The following IMMP2L variants were observed in gnomAD, a reference collection of about 807,000 sequenced individuals.
The protein encoded by IMMP2L is mitochondrial inner membrane protease subunit 2.
Under a neutral mutation model 19.3 loss-of-function variants are expected in IMMP2L, and 18 were observed. The observed-to-expected ratio is 0.93, with a 90% CI of 0.64 to 1.38. The LOEUF (loss-of-function observed/expected upper bound fraction) is 1.38. IMMP2L is among the 40% of genes most tolerant of loss of function. IMMP2L has a pLI of 0.00. For missense variants in IMMP2L, 233 were observed against 218.2 expected (o/e 1.07, Z -0.43); for synonymous variants, 76 against 73.0 (o/e 1.04, Z -0.21).
intron 3 of IMMP2L, among the ~76,000 whole-genome samples, chr7:111,418,607 C>T (rs1835171693): frequency 6.6e-6 from 1 of 151,848 alleles, no homozygotes; most frequent in Admixed American, 6.6e-5. Flanking sequence ...CTTTGCAGTG[C>T]TACTGCCAGT....
chr7:110,715,512 T>C (rs1795178219), intron 5 of IMMP2L, among the ~76,000 whole-genome samples: 1 of 152,242 alleles, frequency 6.6e-6, no homozygotes, highest in African/African-American at 2.4e-5. Context: ...TCTGCCTTAA[T>C]TTCATTCTTT....
At chr7:111,354,162 A>G (rs1480022813) in intron 3 of IMMP2L, among the ~76,000 whole-genome samples, 3 of 152,068 alleles carry the variant, frequency 2.0e-5, no homozygotes, top group Non-Finnish European at 4.4e-5. Flanking sequence ...TTATAAATAT[A>G]GGTACAAATT....
intron 3 of IMMP2L, among the ~76,000 whole-genome samples, chr7:111,170,634 T>A (rs983977538): frequency 6.6e-6 from 1 of 151,756 alleles, no homozygotes; most frequent in African/African-American, 2.4e-5. Context: ...AATCGACACA[T>A]CTCCTAGAAT....
At chr7:111,067,834 G>A (rs974779563) in intron 3 of IMMP2L, among the ~76,000 whole-genome samples, 1 of 152,226 alleles carries the variant, frequency 6.6e-6, no homozygotes, top group South Asian at 2.1e-4. Flanking sequence ...AATTGACAAA[G>A]GAGATAAAGA....
chr7:111,251,448 C>T (rs181499483), intron 3 of IMMP2L, among the ~76,000 whole-genome samples: 51 of 152,194 alleles, frequency 3.4e-4, no homozygotes, highest in African/African-American at 8.4e-4. Context: ...AAGATACTTG[C>T]GCACATATGT....
At chr7:111,156,040 T>C (rs1488174822) in intron 3 of IMMP2L, among the ~76,000 whole-genome samples, 1 of 152,136 alleles carries the variant, frequency 6.6e-6, no homozygotes, top group African/African-American at 2.4e-5. Flanking sequence ...GTTGTCATAG[T>C]TTGTGCCTTT....
At chr7:111,180,759 T>A (rs2129610976) in intron 3 of IMMP2L, among the ~76,000 whole-genome samples, 1 of 152,166 alleles carries the variant, frequency 6.6e-6, no homozygotes, top group South Asian at 2.1e-4. Flanking sequence ...TTCACACGTA[T>A]ATATTGACAA....
chr7:111,527,641 G>A (rs1478381869), intron 1 of IMMP2L, among the ~76,000 whole-genome samples: 1 of 152,002 alleles, frequency 6.6e-6, no homozygotes, highest in Admixed American at 6.6e-5. Context: ...TAAACAACTG[G>A]TTAAAAGACC....
At position 111,369,686 on chromosome 7, in the gene IMMP2L, ATAAT is replaced by A. The variant is rs967035703; in HGVS notation, c.239+117548_239+117551del. On this transcript the variant is annotated intron_variant, in intron 3 of 5. Coordinates refer to ENST00000405709, the MANE Select transcript of IMMP2L (RefSeq NM_032549.4). The stretch of plus-strand genomic sequence containing the variant: ...TCATTAAATCACATCTCCAAGAATA[ATAAT>A]TATTTAATTTTAACACTTATCAAGC... Among the ~76,000 whole-genome samples the A allele has an allele frequency of 4.9e-4, 75 of 152,122 alleles. 1 individual carries two copies. Among genetic ancestry groups the A allele is most frequent in the African/African-American group, 1.7e-3 (71 of 41,564 alleles).
chr7:110,934,253 T>C (rs1035022373), intron 4 of IMMP2L, among the ~76,000 whole-genome samples: 3 of 152,184 alleles, frequency 2.0e-5, no homozygotes, highest in Admixed American at 6.5e-5. Flanking sequence ...AGTGTTTTAC[T>C]TCCAATCATG....
intron 3 of IMMP2L, among the ~76,000 whole-genome samples, chr7:111,214,331 CTTTTTTT>C (rs1169450523): frequency 1.2e-4 from 10 of 82,190 alleles, no homozygotes; most frequent in African/African-American, 4.2e-4. Context: ...AATTTTTCTT[CTTTTTTT>C]TTTTTTTTTT....
chr7:111,445,954 C>A (rs1411617649), intron 3 of IMMP2L, among the ~76,000 whole-genome samples: 1 of 151,832 alleles, frequency 6.6e-6, no homozygotes, highest in Non-Finnish European at 1.5e-5. Flanking sequence ...ATGGACGCAC[C>A]TGGAAAATCG....
intron 3 of IMMP2L, among the ~76,000 whole-genome samples, chr7:111,165,829 A>C (rs1411275913): frequency 1.3e-5 from 2 of 152,000 alleles, no homozygotes; most frequent in Non-Finnish European, 2.9e-5. Context: ...TCTGCCTTCT[A>C]CCATTTGAAG....
intron 2 of IMMP2L, among the ~76,000 whole-genome samples, chr7:111,501,122 C>G (rs1477410457): frequency 3.3e-5 from 5 of 152,064 alleles, no homozygotes; most frequent in Admixed American, 1.3e-4. Flanking sequence ...GCAGAGAAGT[C>G]CTTAAAGGAG....
chr7:110,850,082 G>C (rs917697634), intron 5 of IMMP2L, among the ~76,000 whole-genome samples: 2 of 151,830 alleles, frequency 1.3e-5, no homozygotes, highest in African/African-American at 4.8e-5. Flanking sequence ...AATTCAAAGA[G>C]AATCAGTGAG....
intron 3 of IMMP2L, among the ~76,000 whole-genome samples, chr7:111,346,079 T>C (rs181026511): frequency 2.6e-5 from 4 of 152,188 alleles, no homozygotes; most frequent in African/African-American, 7.2e-5. Flanking sequence ...CTAAATATGT[T>C]GTCATTGCTA....
intron 5 of IMMP2L, among the ~76,000 whole-genome samples, chr7:110,725,255 T>A (rs1350528721): frequency 6.6e-6 from 1 of 152,188 alleles, no homozygotes; most frequent in Non-Finnish European, 1.5e-5. Context: ...AATCCAGGCT[T>A]TCATTTGGCA....
At chr7:111,462,551 T>G (rs544075762) in intron 3 of IMMP2L, among the ~76,000 whole-genome samples, 1 of 152,196 alleles carries the variant, frequency 6.6e-6, no homozygotes, top group African/African-American at 2.4e-5. Flanking sequence ...ATAGTTGTAT[T>G]TATGAGGTAC....
At chr7:111,359,313 T>C (rs1829031507) in intron 3 of IMMP2L, among the ~76,000 whole-genome samples, 1 of 152,028 alleles carries the variant, frequency 6.6e-6, no homozygotes, top group Non-Finnish European at 1.5e-5. Context: ...TGTTTGTTTG[T>C]TTTAATGAGA....
Sources: allele counts gnomAD v4.1 joint callset (sites outside exome capture counted in the v4.1 genomes callset), GRCh38; gene constraint gnomAD v4.1.1; transcripts MANE v1.5; gene names NCBI Gene and HGNC (gene_info 2026-07-23, HGNC 2026-07-21).